Variants in DHX8 observed in about 807,000 individuals in gnomAD.
The protein encoded by DHX8 is ATP-dependent RNA helicase DHX8.
Under a neutral mutation model 140.7 loss-of-function variants are expected in DHX8, and 67 were observed. That is an observed-to-expected ratio of 0.48 (90% CI 0.39 to 0.58). The LOEUF is 0.58. DHX8 is among the 20% of genes least tolerant of loss of function. The probability of loss-of-function intolerance (pLI) is 0.00; values close to 1 mark genes in which losing one functional copy is unlikely to be tolerated. For synonymous variants in DHX8, 533 were observed against 553.2 expected (o/e 0.96, Z 0.51); for missense variants, 887 against 1,550.7 (o/e 0.57, Z 7.19).
intron 2 of DHX8, chr17:43,533,108 G>A: frequency 1.3e-6 from 2 of 1,559,100 alleles, no homozygotes; most frequent in Non-Finnish European, 8.7e-7. Context: ...CCACCCCACA[G>A]CTCAAGTCTT....
chr17:43,526,202 C>A, downstream of DHX8: 1 of 985,372 alleles, frequency 1.0e-6, no homozygotes, highest in Non-Finnish European at 1.2e-6. Context: ...GCCCTTGTTT[C>A]TCTTCCTTGA....
At chr17:43,518,226 C>T (rs1211090983) in intron 18 of DHX8, 4 of 152,190 alleles carry the variant, frequency 2.6e-5, no homozygotes, top group African/African-American at 9.6e-5. Flanking sequence ...ACACAATAAA[C>T]ATTTATTGAA....
downstream of DHX8, chr17:43,529,277 C>T: frequency 6.3e-7 from 1 of 1,596,592 alleles, no homozygotes; most frequent in Non-Finnish European, 8.6e-7. Flanking sequence ...GCTACCTTGG[C>T]AGAGGAAAAA....
At position 43,532,635 on chromosome 17, in the gene DHX8, C is replaced by A. The variant is rs557779520; in HGVS notation, c.351-3777C>A. 3.4e-4 allele frequency: 529 copies of A among 1,576,478 alleles called. 7 individuals are homozygous for A. In the South Asian group the frequency reaches 5.5e-3, roughly 16 times the overall value. On this transcript the variant is annotated intron_variant, in intron 2 of 3. Transcript: ENST00000589898. ...GAGACATTCTGGGCTTAACTGAACA[C>A]TTGATCACATGCCACCCTGCCCCAC...
rs1285522370 is a variant in DHX8 at position 43,525,378 on chromosome 17, TA to T, written c.*1534del. On this transcript the variant is annotated 3_prime_UTR_variant, in exon 23 of 23. Transcript: ENST00000262415. ...TGTCACTGGGCAGCAAACCACACCCTAAAGACAATTCAGAAAGAGTCCGAGG... is the reference window on the plus strand; with the variant it reads ...TGTCACTGGGCAGCAAACCACACCCTAAGACAATTCAGAAAGAGTCCGAGG... The T allele has an allele frequency of 5.1e-6, 5 of 981,730 alleles. No individual in the cohort carries two copies. The African/African-American group carries it at 8.7e-5, about 17-fold the overall frequency. 60.8% of individuals were successfully genotyped at this position (981,730 alleles called of 1,614,324 possible). A position where few individuals can be genotyped will look rare whatever the true frequency, so the allele number is the denominator to read the frequency against.
At chr17:43,519,918 G>T (rs1012892342) in intron 18 of DHX8, 2 of 480,488 alleles carry the variant, frequency 4.2e-6, no homozygotes, top group African/African-American at 4.0e-5. Context: ...TCCAGCCTGG[G>T]TGACAGAGTG....
chr17:43,498,140 G>T (rs9891112), intron 9 of DHX8, among the ~76,000 whole-genome samples: 33,415 of 142,614 alleles, frequency 0.23, 3,860 homozygotes, highest in East Asian at 0.34. Context: ...CTGGGAAGGT[G>T]TTTTTTTTTT....
Position 43,524,356 on chromosome 17 carries a change from G to C in DHX8, c.*509G>C. 10 of 1,002,998 alleles carry C rather than the reference G, an allele frequency of 1.0e-5. No individual in the cohort carries two copies. The South Asian group carries it at 4.3e-4, about 43-fold the overall frequency. 62.1% of individuals were successfully genotyped at this position (1,002,998 alleles called of 1,614,324 possible). A position where few individuals can be genotyped will look rare whatever the true frequency, so the allele number is the denominator to read the frequency against. On this transcript the variant is annotated 3_prime_UTR_variant, in exon 23 of 23. Coordinates refer to ENST00000262415, the MANE Select transcript of DHX8 (RefSeq NM_004941.3). ...GTGACTGTTTTCTTTTAGCCGAAAG[G>C]TTAGGATATTGGCCTGGGCTCAGGG...
rs755677295 is a variant in DHX8 at position 43,492,828 on chromosome 17, A to G, written c.651A>G (p.Lys217=). ...RSRSRTRERN[K]VKSRYRSRSR... ...GTTCCAGGACCCGGGAGAGGAATAA[A>G]GTGAAGTCTAGATATCGGTCCAGGA... Residue 217 remains lysine, a synonymous_variant, in exon 6 of 23, where the codon AAA becomes AAG. Transcript: ENST00000262415. 3.1e-6 allele frequency: 5 copies of G among 1,614,048 alleles called. No individual in the cohort carries two copies. In the African/African-American group the frequency reaches 4.0e-5, roughly 13 times the overall value.
downstream of DHX8, chr17:43,528,096 C>T (rs766424584): frequency 2.9e-4 from 70 of 237,664 alleles, no homozygotes; most frequent in Admixed American, 2.2e-3. Flanking sequence ...GGGGCAGAGT[C>T]CAGGCTTCTG....
intron 9 of DHX8, among the ~76,000 whole-genome samples, chr17:43,496,671 T>C (rs1177259479): frequency 1.3e-5 from 2 of 151,932 alleles, no homozygotes; most frequent in East Asian, 3.9e-4. Context: ...TCCCAGCTAC[T>C]CGGGAGTCTG....
At chr17:43,530,590 C>A (rs982794898), downstream of DHX8, among the ~76,000 whole-genome samples, 3 of 145,600 alleles carry the variant, frequency 2.1e-5, no homozygotes, top group Non-Finnish European at 4.5e-5. Flanking sequence ...GGTCAGGTTC[C>A]CAGCCCTGTG....
chr17:43,523,806 C>A lies in DHX8; in HGVS notation c.3622C>A (p.Pro1208Thr). ...ACCCTTGTACAACCGCTATGAGGAA[C>A]CCAATGCCTGGAGAATATCTCGAGC... Reference protein sequence around the residue: ...LEPLYNRYEEPNAWRISRAFR... With the variant: ...LEPLYNRYEETNAWRISRAFR... The change falls in exon 23 of 23, where the codon CCC becomes ACC. Residue 1208 changes from proline (P) to threonine (T), a missense_variant. Around this residue, in one of 9 missense-constraint regions of DHX8, gnomAD observed 14 missense variants for 56.3 expected, o/e 0.25. Transcript: ENST00000262415. 1.2e-6 allele frequency: 2 copies of A among 1,614,184 alleles called. No individual in the cohort carries two copies. Among genetic ancestry groups the A allele is most frequent in the Non-Finnish European group, 8.5e-7 (1 of 1,180,038 alleles).
At chr17:43,510,356 C>G (rs1368796947) in intron 16 of DHX8, among the ~76,000 whole-genome samples, 2 of 152,172 alleles carry the variant, frequency 1.3e-5, no homozygotes, top group Admixed American at 6.5e-5. Flanking sequence ...CCAGAATTTA[C>G]CCTTTTAAAG....
At chr17:43,531,516 C>G (rs1309426179), downstream of DHX8, among the ~76,000 whole-genome samples, 1 of 152,158 alleles carries the variant, frequency 6.6e-6, no homozygotes, top group African/African-American at 2.4e-5. Context: ...CCAGCTTGAT[C>G]AACATGGTGA....
downstream of DHX8, chr17:43,529,898 G>C: frequency 6.2e-7 from 1 of 1,614,178 alleles, no homozygotes; most frequent in Non-Finnish European, 8.5e-7. Context: ...AAATTTCTCA[G>C]GGACAACGCA....
chr17:43,528,745 T>C (rs142908597), downstream of DHX8: 1 of 1,613,356 alleles, frequency 6.2e-7, no homozygotes, highest in Non-Finnish European at 8.5e-7. Flanking sequence ...ACCAGCCACC[T>C]ATGGGGAGAG....
intron 12 of DHX8, among the ~76,000 whole-genome samples, chr17:43,506,117 C>A (rs762927847): frequency 5.3e-5 from 8 of 152,024 alleles, no homozygotes; most frequent in Non-Finnish European, 8.8e-5. Context: ...GATCTTCCCA[C>A]CTCAGACTCC....
chr17:43,530,104 T>C (rs1970827304), downstream of DHX8: 1 of 1,595,726 alleles, frequency 6.3e-7, no homozygotes, highest in Non-Finnish European at 8.5e-7. Context: ...GGGGCTGCCT[T>C]ACCCATGGCC....
Sources: gnomAD v4.1 joint callset for allele counts (sites outside exome capture counted in the v4.1 genomes callset) on GRCh38, gnomAD v4.1.1 for gene constraint, gnomAD v4.1.1 regional missense constraint, MANE v1.5 for transcripts, NCBI Gene and HGNC (gene_info 2026-07-23, HGNC 2026-07-21) for gene names.